Variants in GCLC observed in about 807,000 individuals in gnomAD.
The protein encoded by GCLC is glutamate-cysteine ligase catalytic subunit, also known as glutamate--cysteine ligase catalytic subunit.
Under a neutral mutation model 81.5 loss-of-function variants are expected in GCLC, and 30 were observed. That is an observed-to-expected ratio of 0.37 (90% CI 0.28 to 0.50). The LOEUF (loss-of-function observed/expected upper bound fraction) is 0.50. GCLC is among the 20% of genes least tolerant of loss of function. GCLC has a pLI of 0.96. For missense variants in GCLC, 556 were observed against 777.4 expected, an observed-to-expected ratio of 0.72 and a Z score of 3.39; for synonymous variants, 262 against 273.3, an observed-to-expected ratio of 0.96 and a Z score of 0.41.
chr6:53,540,835 A>G (rs1018204676), intron 1 of GCLC, among the ~76,000 whole-genome samples: 1 of 152,212 alleles, frequency 6.6e-6, no homozygotes, highest in African/African-American at 2.4e-5. Flanking sequence ...GAATGGTTAC[A>G]GGCATCAGCA....
At chr6:53,533,480 T>C (rs80319574) in intron 1 of GCLC, among the ~76,000 whole-genome samples, 5,420 of 152,210 alleles carry the variant, frequency 0.036, 162 homozygotes, top group Middle Eastern at 0.085. Flanking sequence ...AACTCCCACA[T>C]CAAATTTCTA....
At chr6:53,499,948 T>C (rs1268017030) in intron 15 of GCLC, 97 bp downstream of exon 15, 2 of 871,530 alleles carry the variant, frequency 2.3e-6, no homozygotes, top group Non-Finnish European at 1.9e-6. Context: ...TGTGCATGAA[T>C]ACAGCATTAT....
intron 1 of GCLC, among the ~76,000 whole-genome samples, chr6:53,542,325 T>C (rs1054852185): frequency 6.6e-6 from 1 of 152,166 alleles, no homozygotes; most frequent in African/African-American, 2.4e-5. Flanking sequence ...CTTGATCTTT[T>C]GGAGTGGGAA....
At chr6:53,534,081 C>G (rs537433681) in intron 1 of GCLC, among the ~76,000 whole-genome samples, 1 of 152,360 alleles carries the variant, frequency 6.6e-6, no homozygotes, top group Admixed American at 6.5e-5. Flanking sequence ...AGGCGTGAAC[C>G]ATCACGCCCA....
intron 2 of GCLC, among the ~76,000 whole-genome samples, chr6:53,521,784 T>A (rs1763002063): frequency 6.6e-6 from 1 of 152,070 alleles, no homozygotes; most frequent in African/African-American, 2.4e-5. Flanking sequence ...CCATCCTGGC[T>A]AACACGGTGA....
intron 6 of GCLC, chr6:53,510,281 A>C (rs1359389083): frequency 6.6e-6 from 1 of 152,158 alleles, no homozygotes; most frequent in African/African-American, 2.4e-5. Context: ...CCAGAAGAAA[A>C]ACCCGAGTTG....
chr6:53,498,409 T>G lies in GCLC; in HGVS notation c.*347A>C, dbSNP rs926528327. The stretch of plus-strand genomic sequence containing the variant: ...AAAGAACAAAAATTTACAGTAAACA[T>G]TTTAACTCTGGAATGCAAGTATTGT... On this transcript the variant is annotated 3_prime_UTR_variant, in exon 16 of 16. Transcript: ENST00000650454. The G allele has an allele frequency of 4.6e-6, 1 of 218,032 alleles. No homozygotes were observed. The highest frequency in any genetic ancestry group is 2.3e-5 in the African/African-American group (1 of 43,150). 13.5% of individuals were successfully genotyped at this position (218,032 alleles called of 1,614,324 possible). A position where few individuals can be genotyped will look rare whatever the true frequency, so the allele number is the denominator to read the frequency against.
rs536732942 is a variant in GCLC at position 53,498,688 on chromosome 6, C to T, written c.*68G>A. ...TCATTTGGTCTTCATATTATACACACGGGCTGGCTGAGAGGCATGGTACTG... is the reference window on the plus strand; with the variant it reads ...TCATTTGGTCTTCATATTATACACATGGGCTGGCTGAGAGGCATGGTACTG... On this transcript the variant is annotated 3_prime_UTR_variant, in exon 16 of 16. Coordinates refer to ENST00000650454, the MANE Select transcript of GCLC (RefSeq NM_001498.4). 3.2e-5 allele frequency: 29 copies of T among 919,656 alleles called. No homozygotes were observed. The highest frequency in any genetic ancestry group is 1.3e-4 in the Admixed American group (7 of 52,836). The allele number at this position is 919,656 out of a possible 1,614,324, so 57.0% of individuals were successfully genotyped here. A position where few individuals can be genotyped will look rare whatever the true frequency, so the allele number is the denominator to read the frequency against.
intron 12 of GCLC, 183 bp downstream of exon 12, chr6:53,505,209 G>T: frequency 1.7e-6 from 1 of 574,238 alleles, no homozygotes; most frequent in Non-Finnish European, 3.1e-6. Flanking sequence ...CATCTTGAAT[G>T]GAAAGCGTCT....
At chr6:53,522,570 T>C in intron 1 of GCLC, 43 bp from the exon 2 acceptor site, 1 of 1,261,502 alleles carries the variant, frequency 7.9e-7, no homozygotes, top group Non-Finnish European at 1.2e-6. Context: ...TCTTCCAGAC[T>C]TGTTTTCAGT....
At chr6:53,527,407 A>G (rs1284226497) in intron 1 of GCLC, among the ~76,000 whole-genome samples, 3 of 152,218 alleles carry the variant, frequency 2.0e-5, no homozygotes, top group African/African-American at 7.2e-5. Flanking sequence ...CAAGCCTGCA[A>G]CCATTTTGAG....
intron 12 of GCLC, among the ~76,000 whole-genome samples, chr6:53,504,289 A>C (rs573477674): frequency 6.6e-6 from 1 of 152,180 alleles, no homozygotes; most frequent in Non-Finnish European, 1.5e-5. Flanking sequence ...GGATTCAAGC[A>C]ATCCTCCTGC....
intron 10 of GCLC, 88 bp from the exon 11 acceptor site, chr6:53,505,983 C>T (rs2127620457): frequency 1.3e-6 from 1 of 798,930 alleles, no homozygotes; most frequent in East Asian, 2.5e-5. Context: ...AGGAAGAAGA[C>T]TGCTCACTGT....
chr6:53,525,547 AGATGCCTTTCT>A, intron 1 of GCLC, among the ~76,000 whole-genome samples: 1 of 152,246 alleles, frequency 6.6e-6, no homozygotes, highest in Non-Finnish European at 1.5e-5. Context: ...ATAATAAAAC[AGATGCCTTTCT>A]GTATCACAAC....
In GCLC at chr6:53,507,505, C is replaced by G. The variant is rs1764638991; in HGVS notation, c.1059G>C (p.Glu353Asp). The G allele has an allele frequency of 1.2e-6, 2 of 1,612,368 alleles. No individual in the cohort carries two copies. Among genetic ancestry groups the G allele is most frequent in the Non-Finnish European group, 1.7e-6 (2 of 1,178,574 alleles). The change falls in exon 9 of 16, where the codon GAG becomes GAC. Residue 353 changes from glutamate to aspartate, a missense_variant. Around this residue, in one of 3 missense-constraint regions of GCLC, gnomAD observed 313 missense variants for 437.3 expected, o/e 0.72. Transcript: ENST00000650454. Reference protein sequence around the residue: ...YNDIDLTIDKEIYEQLLQEGI... With the variant: ...YNDIDLTIDKDIYEQLLQEGI... The stretch of plus-strand genomic sequence containing the variant: ...CTTCCTGCAACAGCTGTTCGTAGAT[C>G]TCTTTATCTATCGTCAAGTCGATGT...
Position 53,544,489 on chromosome 6 carries a change from C to T in GCLC, c.150+7G>A, listed in dbSNP as rs746012030. On this transcript the variant is annotated splice_region_variant and intron_variant, in intron 1 of 15. Coordinates refer to ENST00000650454, the MANE Select transcript of GCLC (RefSeq NM_001498.4). ...GCCCGGCGGGGACGGGGACCGCGGG[C>T]GCTCACCTCATCGCCCCACTTGAGA... 6.2e-7 allele frequency: 1 copy of T among 1,606,074 alleles called. No homozygotes were observed. Among genetic ancestry groups the T allele is most frequent in the Non-Finnish European group, 8.5e-7 (1 of 1,179,360 alleles).
intron 3 of GCLC, among the ~76,000 whole-genome samples, chr6:53,517,451 T>C (rs1251809194): frequency 3.9e-5 from 6 of 151,970 alleles, no homozygotes; most frequent in Non-Finnish European, 8.8e-5. Context: ...AAAGTATCTG[T>C]TGCCTGCCCA....
At chr6:53,534,550 G>A (rs1188254483) in intron 1 of GCLC, among the ~76,000 whole-genome samples, 1 of 152,004 alleles carries the variant, frequency 6.6e-6, no homozygotes, top group Non-Finnish European at 1.5e-5. Context: ...CTGCGTATCA[G>A]ATAAGAAAGG....
chr6:53,523,398 T>C (rs1763031458), intron 1 of GCLC: 3 of 152,234 alleles, frequency 2.0e-5, no homozygotes, highest in African/African-American at 7.2e-5. Flanking sequence ...GGCAAGCCCT[T>C]GAAAGTACCC....
Sources: gnomAD v4.1 joint callset for allele counts (sites outside exome capture counted in the v4.1 genomes callset) on GRCh38, gnomAD v4.1.1 for gene constraint, gnomAD v4.1.1 regional missense constraint, MANE v1.5 for transcripts, NCBI Gene and HGNC (gene_info 2026-07-23, HGNC 2026-07-21) for gene names.